The following ALMS1 variants were observed in gnomAD, a reference collection of about 807,000 sequenced individuals.
ALMS1 encodes the protein centrosome-associated protein ALMS1.
Under a neutral mutation model 352.2 loss-of-function variants are expected in ALMS1, and 271 were observed. The ratio of observed to expected loss-of-function variants is 0.77; its 90% CI spans 0.70 to 0.85. The LOEUF is 0.85. Among genes scored for constraint, ALMS1 ranks in the 40% least tolerant of loss-of-function variants. The probability of loss-of-function intolerance (pLI) is 0.00; values close to 1 mark genes in which losing one functional copy is unlikely to be tolerated. For missense variants in ALMS1, 5,445 were observed against 4,870.7 expected, an observed-to-expected ratio of 1.12 and a Z score of -3.51; for synonymous variants, 1,865 against 1,761.2, an observed-to-expected ratio of 1.06 and a Z score of -1.48.
At position 73,505,644 on chromosome 2, in the gene ALMS1, C is replaced by A. The variant is rs188499647; in HGVS notation, c.9540-14131C>A. ...AAATTAAGTTTCCTTGATTTTTGTT[C>A]TTTTGCATTTGCTGAGGAGTGTTTT... On this transcript the variant is annotated intron_variant, in intron 10 of 22. Transcript: ENST00000613296. Among the ~76,000 whole-genome samples the A allele has an allele frequency of 1.6e-3, 242 of 151,858 alleles. 1 individual carries two copies. Among genetic ancestry groups the A allele is most frequent in the Middle Eastern group, 6.8e-3 (2 of 294 alleles).
intron 16 of ALMS1, among the ~76,000 whole-genome samples, chr2:73,578,405 G>A (rs529662204): frequency 6.6e-5 from 10 of 152,072 alleles, no homozygotes; most frequent in South Asian, 6.2e-4. Flanking sequence ...TACTTTCCCC[G>A]TGCTGTTTGC....
intron 9 of ALMS1, among the ~76,000 whole-genome samples, chr2:73,473,709 A>T (rs1340769492): frequency 6.6e-6 from 1 of 152,152 alleles, no homozygotes; most frequent in Non-Finnish European, 1.5e-5. Flanking sequence ...AAGGAAACAA[A>T]TAGAAATTCT....
In ALMS1 at chr2:73,609,705, T is replaced by C. The variant is rs1675898424; in HGVS notation, c.*93T>C. The C allele has an allele frequency of 1.6e-6, 2 of 1,256,014 alleles. No homozygotes were observed. The highest frequency in any genetic ancestry group is 1.7e-5 in the Admixed American group (1 of 58,436). 77.8% of individuals were successfully genotyped at this position (1,256,014 alleles called of 1,614,324 possible). A position where few individuals can be genotyped will look rare whatever the true frequency, so the allele number is the denominator to read the frequency against. The stretch of plus-strand genomic sequence containing the variant: ...TTTGTGAGTCTGGTTGAATAAAGCT[T>C]ATTCTTTGTCCATGTGTATTTTAGA... On this transcript the variant is annotated 3_prime_UTR_variant, in exon 23 of 23. Transcript: ENST00000613296.
At chr2:73,483,823 T>C (rs1291576701) in intron 9 of ALMS1, among the ~76,000 whole-genome samples, 2 of 146,852 alleles carry the variant, frequency 1.4e-5, no homozygotes, top group African/African-American at 5.1e-5. Context: ...TTTACCATTA[T>C]GTAATGGCCT....
intron 16 of ALMS1, among the ~76,000 whole-genome samples, chr2:73,584,634 T>G (rs1485757411): frequency 6.6e-6 from 1 of 152,204 alleles, no homozygotes; most frequent in Non-Finnish European, 1.5e-5. Context: ...CTTTGTTTCT[T>G]TCTTTATTAT....
rs1412754796 is a variant in ALMS1, at chr2:73,602,067, G to A, written c.12115-118G>A. The A allele has an allele frequency of 1.0e-5, 11 of 1,052,338 alleles. No homozygotes were observed. The East Asian group carries it at 2.1e-4, about 20-fold the overall frequency. The allele number at this position is 1,052,338 out of a possible 1,614,324, so 65.2% of individuals were successfully genotyped here. On this transcript the variant is annotated intron_variant, in intron 19 of 22. Transcript: ENST00000613296. ...ATTCTTCAACGCTAGATACTTTCTC[G>A]GCATTTGAATCAGACTTCCCCAAAC... is the stretch of plus-strand genomic sequence containing the variant.
chr2:73,579,075 AT>A (rs3076389), intron 16 of ALMS1, among the ~76,000 whole-genome samples: 23 of 129,808 alleles, frequency 1.8e-4, no homozygotes, highest in South Asian at 7.1e-4. Context: ...TTTTTTATTT[AT>A]TTTTTTTTTT....
intron 10 of ALMS1, among the ~76,000 whole-genome samples, chr2:73,502,324 C>G (rs1207244195): frequency 6.6e-6 from 1 of 152,086 alleles, no homozygotes; most frequent in African/African-American, 2.4e-5. Flanking sequence ...GGTATAAAGT[C>G]TATTCTTCAT....
At chr2:73,391,138 TTC>T (rs1670636479) in intron 1 of ALMS1, among the ~76,000 whole-genome samples, 2 of 151,926 alleles carry the variant, frequency 1.3e-5, no homozygotes, top group African/African-American at 4.8e-5. Context: ...CCCTCTTAAC[TTC>T]TGTCTCCCAC....
intron 11 of ALMS1, among the ~76,000 whole-genome samples, chr2:73,526,565 TTTTAAA>T (rs201316409): frequency 0.023 from 3,470 of 152,280 alleles, 44 homozygotes; most frequent in Non-Finnish European, 0.035. Flanking sequence ...ATGGGATTAT[TTTTAAA>T]TTTCCTTTTC....
In ALMS1 at chr2:73,424,832, T is replaced by A; in HGVS notation, c.1167T>A (p.Asp389Glu). The A allele has an allele frequency of 6.2e-7, 1 of 1,608,798 alleles. No homozygotes were observed. The highest frequency in any genetic ancestry group is 8.5e-7 in the Non-Finnish European group (1 of 1,176,534). The change falls in exon 5 of 23, where the codon GAT becomes GAA. Residue 389 changes from aspartate to glutamate, a missense_variant. Asp to Glu is a conservative substitution (Grantham distance 45). Coordinates refer to ENST00000613296, the MANE Select transcript of ALMS1 (RefSeq NM_001378454.1). ...NIATKRSDHF[D>E]AARSYGQYWT... is the part of the protein sequence containing the mutation. ...CTACTAAAAGAAGTGACCATTTTGA[T>A]GCTGCTCGTTCATATGGGCAGTATT...
In ALMS1 at chr2:73,465,016, C is replaced by G. The variant is rs545230887; in HGVS notation, c.7674+9721C>G. Among the ~76,000 whole-genome samples, 34 of 152,298 alleles carry G rather than the reference C, an allele frequency of 2.2e-4. No homozygotes were observed. The East Asian group carries it at 6.4e-3, about 28-fold the overall frequency. ...AATCAATATCGTGAAAATGGCCATACTGCCCAAGGTAATTTATAGATTCAA... is the reference window on the plus strand; with the variant it reads ...AATCAATATCGTGAAAATGGCCATAGTGCCCAAGGTAATTTATAGATTCAA... On this transcript the variant is annotated intron_variant, in intron 9 of 22. Coordinates refer to ENST00000613296, the MANE Select transcript of ALMS1 (RefSeq NM_001378454.1).
chr2:73,526,952 C>T (rs754606211), intron 11 of ALMS1, among the ~76,000 whole-genome samples: 1 of 152,058 alleles, frequency 6.6e-6, no homozygotes, highest in South Asian at 2.1e-4. Context: ...GTTCTCTATA[C>T]CTAGTTTTTT....
At chr2:73,573,581 C>G (rs1208874166) in intron 16 of ALMS1, 157 bp downstream of exon 16, 2 of 766,902 alleles carry the variant, frequency 2.6e-6, no homozygotes, top group Non-Finnish European at 4.6e-6. Flanking sequence ...TAGTACAGTG[C>G]TATTGTGAGT....
At chr2:73,564,804 G>C (rs938568021) in intron 15 of ALMS1, among the ~76,000 whole-genome samples, 1 of 152,182 alleles carries the variant, frequency 6.6e-6, no homozygotes, top group Non-Finnish European at 1.5e-5. Flanking sequence ...CCATGTAGAA[G>C]GGGACAGTAA....
chr2:73,600,584 G>T, intron 17 of ALMS1, 94 bp from the exon 18 acceptor site: 2 of 1,183,634 alleles, frequency 1.7e-6, no homozygotes, highest in Non-Finnish European at 2.4e-6. Context: ...TTGTATTTTT[G>T]AAACATTAAA....
At chr2:73,478,348 G>A (rs1672624033) in intron 9 of ALMS1, among the ~76,000 whole-genome samples, 1 of 152,126 alleles carries the variant, frequency 6.6e-6, no homozygotes, top group South Asian at 2.1e-4. Flanking sequence ...TATTATGAAA[G>A]CTTGAAAGAT....
intron 9 of ALMS1, among the ~76,000 whole-genome samples, chr2:73,460,676 T>C (rs1457685338): frequency 6.6e-6 from 1 of 152,090 alleles, no homozygotes; most frequent in Non-Finnish European, 1.5e-5. Flanking sequence ...GGTCAGGGAG[T>C]TCCCTTTCCT....
intron 11 of ALMS1, among the ~76,000 whole-genome samples, chr2:73,521,580 CAAAA>C (rs565126393): frequency 0.014 from 1,333 of 94,864 alleles, 16 homozygotes; most frequent in African/African-American, 0.044. Flanking sequence ...ACTAAAAATA[CAAAA>C]AAAAAAAAAA....
Sources: allele counts gnomAD v4.1 joint callset (sites outside exome capture counted in the v4.1 genomes callset), GRCh38; gene constraint gnomAD v4.1.1; transcripts MANE v1.5; gene names NCBI Gene and HGNC (gene_info 2026-07-23, HGNC 2026-07-21).